Variants in PRR33 observed in about 807,000 individuals in gnomAD.
PRR33 encodes proline rich 33.
PRR33 carries 1 observed loss-of-function variant against 0.5 expected under a neutral mutation model. That is an observed-to-expected ratio of 2.18 (90% CI 0.77 to 10.34). PRR33 has a LOEUF of 10.34. Ranked by LOEUF, PRR33 falls within the 30% of genes most tolerant of loss-of-function variation. PRR33 has a pLI of 0.13. For synonymous variants in PRR33, 226 were observed against 110.0 expected, an observed-to-expected ratio of 2.06 and a Z score of -6.60; for missense variants, 552 against 251.8, an observed-to-expected ratio of 2.19 and a Z score of -8.07.
At chr11:1,916,305 C>G in the PRR33 span, among the ~76,000 whole-genome samples, 1 of 152,156 alleles carries the variant, frequency 6.6e-6, no homozygotes. Context: ...CTTGGGTCCT[C>G]ACAGCCACTA....
chr11:1,905,658 T>G, the PRR33 span, among the ~76,000 whole-genome samples: 2 of 151,320 alleles, frequency 1.3e-5, no homozygotes, highest in African/African-American at 4.9e-5. Context: ...GTAGAAATGT[T>G]GCCCAGGGTG....
At chr11:1,911,311 G>A in the PRR33 span, among the ~76,000 whole-genome samples, 2 of 152,012 alleles carry the variant, frequency 1.3e-5, no homozygotes. Context: ...GTGTGGTGGT[G>A]GGCGCCTGTA....
the PRR33 span, among the ~76,000 whole-genome samples, chr11:1,910,228 G>C: frequency 6.6e-6 from 1 of 152,048 alleles, no homozygotes; most frequent in Non-Finnish European, 1.5e-5. Flanking sequence ...CTGCACGCTG[G>C]CCAAGATGTC....
chr11:1,910,846 C>T, the PRR33 span, among the ~76,000 whole-genome samples: 1 of 152,230 alleles, frequency 6.6e-6, no homozygotes, highest in Non-Finnish European at 1.5e-5. Context: ...CATGGGTGTG[C>T]TGACCATTCA....
chr11:1,889,780 G>A, exon 1 of PRR33: 1 of 649,712 alleles, frequency 1.5e-6, no homozygotes, highest in East Asian at 2.7e-5. Flanking sequence ...GGGGCTATGG[G>A]CACCACAACC....
the PRR33 span, among the ~76,000 whole-genome samples, chr11:1,906,491 A>C: frequency 2.0e-5 from 3 of 152,108 alleles, no homozygotes; most frequent in African/African-American, 7.2e-5. Flanking sequence ...AGACATTGTA[A>C]ACTTTAACTC....
At chr11:1,912,505 C>G in the PRR33 span, among the ~76,000 whole-genome samples, 25 of 152,224 alleles carry the variant, frequency 1.6e-4, no homozygotes, top group Non-Finnish European at 2.9e-5. Context: ...TTACGTTCCT[C>G]TTTTCGTCGA....
At chr11:1,896,979 G>C in the PRR33 span, among the ~76,000 whole-genome samples, 1 of 152,244 alleles carries the variant, frequency 6.6e-6, no homozygotes, top group Non-Finnish European at 1.5e-5. Flanking sequence ...AATAGGTTCA[G>C]AGAGGCTCTG....
chr11:1,896,709 C>T (rs1849128495), upstream of PRR33, among the ~76,000 whole-genome samples: 1 of 152,222 alleles, frequency 6.6e-6, no homozygotes. Context: ...GACATCCCAG[C>T]CTCCTTTCTG....
upstream of PRR33, among the ~76,000 whole-genome samples, chr11:1,896,147 A>G (rs1359030274): frequency 1.3e-5 from 2 of 152,172 alleles, no homozygotes; most frequent in Admixed American, 1.3e-4. Context: ...TAGCTCTTCA[A>G]TTGTGTTCTT....
chr11:1,909,786 A>G, the PRR33 span, among the ~76,000 whole-genome samples: 228 of 151,950 alleles, frequency 1.5e-3, 2 homozygotes, highest in African/African-American at 5.2e-3. Flanking sequence ...TCTGAGAAAA[A>G]AAGAAGAAGA....
At chr11:1,889,942 T>A (rs1327631163) in exon 1 of PRR33, 1 of 629,840 alleles carries the variant, frequency 1.6e-6, no homozygotes, top group East Asian at 2.7e-5. Context: ...CTGGGGGGAC[T>A]TGGGGTGGCA....
upstream of PRR33, among the ~76,000 whole-genome samples, chr11:1,894,195 C>T (rs1589840062): frequency 6.7e-6 from 1 of 148,226 alleles, no homozygotes; most frequent in African/African-American, 2.5e-5. Flanking sequence ...GTCAGAGCCT[C>T]ACTCTGTTTC....
chr11:1,898,897 A>C, the PRR33 span, among the ~76,000 whole-genome samples: 1 of 152,124 alleles, frequency 6.6e-6, no homozygotes, highest in Non-Finnish European at 1.5e-5. Flanking sequence ...GCTACTTGGG[A>C]GGCTGAGGCA....
the PRR33 span, among the ~76,000 whole-genome samples, chr11:1,901,054 G>C: frequency 1.3e-5 from 2 of 152,234 alleles, no homozygotes; most frequent in Non-Finnish European, 2.9e-5. Context: ...GCTTACGCCT[G>C]TAACCCCATC....
At chr11:1,904,429 T>C in the PRR33 span, among the ~76,000 whole-genome samples, 4 of 151,678 alleles carry the variant, frequency 2.6e-5, no homozygotes, top group Non-Finnish European at 4.4e-5. Flanking sequence ...CTCCAGAGAC[T>C]GAAGCAGGAG....
At chr11:1,890,691 G>A in exon 1 of PRR33, 2 of 621,708 alleles carry the variant, frequency 3.2e-6, no homozygotes, top group Non-Finnish European at 5.8e-6. Flanking sequence ...GGCCAGGGGT[G>A]TGGAGGCCTG....
the PRR33 span, among the ~76,000 whole-genome samples, chr11:1,915,863 TAGAC>T: frequency 6.7e-5 from 10 of 149,180 alleles, no homozygotes; most frequent in African/African-American, 2.5e-4. Flanking sequence ...GATGGATGGA[TAGAC>T]AGGTAGATGG....
chr11:1,889,006 C>T (rs1848870186), exon 1 of PRR33: 4 of 555,236 alleles, frequency 7.2e-6, no homozygotes, highest in Admixed American at 3.4e-5. Flanking sequence ...CCCATGTGCC[C>T]TTCCCAGGCT....
Sources: allele counts gnomAD v4.1 joint callset (sites outside exome capture counted in the v4.1 genomes callset), GRCh38; gene constraint gnomAD v4.1.1; transcripts MANE v1.5; gene names NCBI Gene and HGNC (gene_info 2026-07-23, HGNC 2026-07-21).